Variants in LHX8 observed in about 807,000 individuals in gnomAD.
LHX8 encodes the protein LIM homeobox 8.
LHX8 carries 12 observed loss-of-function variants against 40.3 expected under a neutral mutation model. The observed-to-expected ratio is 0.30, with a 90% CI of 0.19 to 0.48. The LOEUF (loss-of-function observed/expected upper bound fraction) is 0.48. LHX8 is among the 20% of genes least tolerant of loss of function. LHX8 has a pLI of 0.99. For synonymous variants in LHX8, 179 were observed against 162.0 expected (o/e 1.10, Z -0.80); for missense variants, 344 against 433.7 (o/e 0.79, Z 1.84).
At chr1:75,198,120 G>A in the LHX8 span, among the ~76,000 whole-genome samples, 2 of 152,284 alleles carry the variant, frequency 1.3e-5, no homozygotes, top group African/African-American at 2.4e-5. Context: ...TGGGTACTCC[G>A]AAAGAGTCTG....
At chr1:75,163,291 T>C (rs1296826753), downstream of LHX8, among the ~76,000 whole-genome samples, 3 of 152,198 alleles carry the variant, frequency 2.0e-5, no homozygotes, top group Admixed American at 6.5e-5. Context: ...AGCTGATAGC[T>C]GTAGTATTTC....
chr1:75,159,165 T>G (rs1648848258), intron 8 of LHX8: 1 of 152,240 alleles, frequency 6.6e-6, no homozygotes, highest in Non-Finnish European at 1.5e-5. Context: ...ACTTTGAAGA[T>G]ATGATTACCT....
At chr1:75,155,671 A>G (rs1648744336) in intron 7 of LHX8, among the ~76,000 whole-genome samples, 1 of 152,138 alleles carries the variant, frequency 6.6e-6, no homozygotes, top group Admixed American at 6.6e-5. Context: ...CTTGCCCTGA[A>G]TTTGCTTCTT....
At chr1:75,196,875 C>G in the LHX8 span, among the ~76,000 whole-genome samples, 3 of 152,098 alleles carry the variant, frequency 2.0e-5, no homozygotes, top group African/African-American at 7.2e-5. Flanking sequence ...CTAAGGCAAT[C>G]AAAGCACATC....
chr1:75,179,497 CTGT>C, the LHX8 span, among the ~76,000 whole-genome samples: 1 of 133,256 alleles, frequency 7.5e-6, no homozygotes, highest in South Asian at 2.3e-4. Context: ...ATTGCAACCC[CTGT>C]TGTTTTTTTT....
chr1:75,189,117 G>A, the LHX8 span, among the ~76,000 whole-genome samples: 943 of 152,290 alleles, frequency 6.2e-3, 12 homozygotes, highest in African/African-American at 0.021. Flanking sequence ...AGCATTTGCC[G>A]TTATAGACAG....
At chr1:75,174,204 T>A in the LHX8 span, among the ~76,000 whole-genome samples, 2 of 152,184 alleles carry the variant, frequency 1.3e-5, no homozygotes, top group African/African-American at 4.8e-5. Context: ...GCCAAAAGAA[T>A]GGTGTTACTG....
chr1:75,177,467 T>A, the LHX8 span, among the ~76,000 whole-genome samples: 1 of 152,210 alleles, frequency 6.6e-6, no homozygotes. Context: ...GTGAATTGGC[T>A]CTTTGTTTGT....
the LHX8 span, among the ~76,000 whole-genome samples, chr1:75,185,280 C>T: frequency 6.6e-6 from 1 of 151,950 alleles, no homozygotes; most frequent in South Asian, 2.1e-4. Context: ...GATACCAAAA[C>T]CTGGCAGAGA....
intron 7 of LHX8, among the ~76,000 whole-genome samples, chr1:75,153,872 A>G (rs1173255054): frequency 6.6e-6 from 1 of 152,184 alleles, no homozygotes; most frequent in Non-Finnish European, 1.5e-5. Flanking sequence ...CTTTCAAATG[A>G]TAAACTATCA....
At chr1:75,143,689 A>G (rs1191661824) in intron 5 of LHX8, among the ~76,000 whole-genome samples, 156 bp from the exon 6 acceptor site, 2 of 152,196 alleles carry the variant, frequency 1.3e-5, no homozygotes, top group Admixed American at 1.3e-4. Context: ...TTTTTTGTAC[A>G]GTATATCTGT....
rs12041465 is a variant in LHX8, at chr1:75,143,364, A to T, written c.580+26A>T. On this transcript the variant is annotated intron_variant, in intron 5 of 8. Coordinates refer to ENST00000356261, the MANE Select transcript of LHX8 (RefSeq NM_001256114.2). ...GTAAATATGTACTTAAATACTTTTG[A>T]GTCTTTTGAGACAGTGAATACAGGA... 24 of 1,545,936 alleles carry T rather than the reference A, an allele frequency of 1.6e-5. No homozygotes were observed. The East Asian group carries it at 4.6e-4, about 30-fold the overall frequency.
At chr1:75,164,981 G>C (rs975455167), downstream of LHX8, among the ~76,000 whole-genome samples, 1 of 152,022 alleles carries the variant, frequency 6.6e-6, no homozygotes, top group Non-Finnish European at 1.5e-5. Flanking sequence ...CCGAAAACTA[G>C]TATCTTATAA....
Position 75,161,038 on chromosome 1 carries a change from C to A in LHX8, c.*143C>A. 1 of 648,684 alleles carries A rather than the reference C, an allele frequency of 1.5e-6. No individual in the cohort carries two copies. The highest frequency in any genetic ancestry group is 2.7e-6 in the Non-Finnish European group (1 of 365,626). 40.2% of individuals were successfully genotyped at this position (648,684 alleles called of 1,614,324 possible). ...ATCACTTTGCTGCCCAGGTATGTAT[C>A]TATAGTTGGCCTGCAAGACACTTTT... On this transcript the variant is annotated 3_prime_UTR_variant, in exon 9 of 9. Coordinates refer to ENST00000356261, the MANE Select transcript of LHX8 (RefSeq NM_001256114.2).
chr1:75,157,181 A>G, intron 8 of LHX8, 105 bp downstream of exon 8: 1 of 1,280,804 alleles, frequency 7.8e-7, no homozygotes, highest in Non-Finnish European at 1.1e-6. Flanking sequence ...TTACCTCAGT[A>G]GTAGCTGAAA....
At chr1:75,192,658 T>C in the LHX8 span, among the ~76,000 whole-genome samples, 1 of 151,932 alleles carries the variant, frequency 6.6e-6, no homozygotes, top group South Asian at 2.1e-4. Flanking sequence ...TATTTTTTAC[T>C]TTTTTCATAC....
At chr1:75,181,511 G>A in the LHX8 span, among the ~76,000 whole-genome samples, 63 of 152,172 alleles carry the variant, frequency 4.1e-4, no homozygotes, top group African/African-American at 1.3e-3. Context: ...AGCCAGGCAC[G>A]GGATACAATC....
chr1:75,136,753 G>A lies in LHX8; in HGVS notation c.75+64G>A, dbSNP rs1429777430. The A allele has an allele frequency of 4.5e-6, 6 of 1,334,032 alleles. No individual in the cohort carries two copies. In the Admixed American group the frequency reaches 6.0e-5, roughly 13 times the overall value. 82.6% of individuals were successfully genotyped at this position (1,334,032 alleles called of 1,614,324 possible). The stretch of plus-strand genomic sequence containing the variant: ...GTGGGGAGGCGGCGCAGGACGAAGG[G>A]CCGCTGTCCCCGCGCTCCTTCCAGG... On this transcript the variant is annotated intron_variant, in intron 2 of 8. Coordinates refer to ENST00000356261, the MANE Select transcript of LHX8 (RefSeq NM_001256114.2).
At chr1:75,159,454 CT>C (rs1431859179) in intron 8 of LHX8, 1 of 152,006 alleles carries the variant, frequency 6.6e-6, no homozygotes, top group Non-Finnish European at 1.5e-5. Flanking sequence ...TTGTTTTCTT[CT>C]GAACTATTTT....
Sources: gnomAD v4.1 joint callset for allele counts (sites outside exome capture counted in the v4.1 genomes callset) on GRCh38, gnomAD v4.1.1 for gene constraint, MANE v1.5 for transcripts, NCBI Gene and HGNC (gene_info 2026-07-23, HGNC 2026-07-21) for gene names.